GART: variants seen among roughly 807,000 people sequenced by gnomAD.
The protein encoded by GART is trifunctional purine biosynthetic protein adenosine-3.
A neutral mutation model predicts 107.2 loss-of-function variants in GART; 43 were observed. The observed-to-expected ratio is 0.40, with a 90% CI of 0.31 to 0.52. GART has a LOEUF of 0.52. GART is among the 20% of genes least tolerant of loss of function. The pLI, the probability that GART is intolerant of heterozygous loss-of-function variation, is 0.52. For missense variants in GART, 1,107 were observed against 1,206.5 expected, an observed-to-expected ratio of 0.92 and a Z score of 1.22; for synonymous variants, 434 against 427.0, an observed-to-expected ratio of 1.02 and a Z score of -0.20.
intron 18 of GART, among the ~76,000 whole-genome samples, chr21:33,507,899 GAATA>G (rs1396200344): frequency 3.3e-5 from 5 of 152,044 alleles, no homozygotes; most frequent in Non-Finnish European, 7.4e-5. Flanking sequence ...GTAACACAAA[GAATA>G]AATGCTTGAG....
At chr21:33,515,848 C>A (rs1002555158) in intron 16 of GART, among the ~76,000 whole-genome samples, 1 of 152,030 alleles carries the variant, frequency 6.6e-6, no homozygotes, top group Non-Finnish European at 1.5e-5. Flanking sequence ...TATCTATGTC[C>A]AGCAAACTGA....
chr21:33,524,855 C>T lies in GART; in HGVS notation c.1212G>A (p.Lys404=). The T allele has an allele frequency of 1.2e-6, 2 of 1,614,210 alleles. No individual in the cohort carries two copies. Among genetic ancestry groups the T allele is most frequent in the Middle Eastern group, 1.6e-4 (1 of 6,062 alleles). ...CAAACTTTATAGCAGCTAGTCCTTT[C>T]TTGGCTTCCTCAAGGGCTGATATGA... The part of the protein sequence containing the change: ...ENLISALEEA[K]KGLAAIKFEG... The change falls in exon 11 of 22, where the codon AAG becomes AAA. Residue 404 remains lysine, a synonymous_variant. Transcript: ENST00000381815.
In GART at chr21:33,535,299, G is replaced by A. The variant is rs760117814; in HGVS notation, c.167C>T (p.Thr56Ile). The stretch of plus-strand genomic sequence containing the variant: ...CTCTTTGCAGAATTGAGCAAGGGCA[G>A]TGTGGTCACTGATTGAGATGGCTGT... Reference protein sequence around the residue: ...SNTAISISDHTALAQFCKEKK... With the variant: ...SNTAISISDHIALAQFCKEKK... The change falls in exon 3 of 22, where the codon ACT becomes ATT. Residue 56 changes from threonine to isoleucine, a missense_variant. Coordinates refer to ENST00000381815, the MANE Select transcript of GART (RefSeq NM_000819.5). 7 of 1,225,506 alleles carry A rather than the reference G, an allele frequency of 5.7e-6. No individual in the cohort carries two copies. Among genetic ancestry groups the A allele is most frequent in the Non-Finnish European group, 6.7e-6 (6 of 897,998 alleles). The allele number at this position is 1,225,506 out of a possible 1,614,324, so 75.9% of individuals were successfully genotyped here.
At position 33,528,748 on chromosome 21, in the gene GART, A is replaced by G. The variant is rs552501437; in HGVS notation, c.811+102T>C. 3.4e-4 allele frequency: 364 copies of G among 1,071,976 alleles called. 3 individuals are homozygous for G. The African/African-American group carries it at 5.7e-3, about 17-fold the overall frequency. The allele number at this position is 1,071,976 out of a possible 1,614,324, so 66.4% of individuals were successfully genotyped here. On this transcript the variant is annotated intron_variant, in intron 8 of 21. Coordinates refer to ENST00000381815, the MANE Select transcript of GART (RefSeq NM_000819.5). ...TAAACATTTAAAAAATGGTCCATTA[A>G]AAAGTGGTAAAAAAAAAAAAAAAAG...
Position 33,504,469 on chromosome 21 carries a change from A to G in GART, c.2784T>C (p.His928=), listed in dbSNP as rs368229440. 16 of 1,613,992 alleles carry G rather than the reference A, an allele frequency of 9.9e-6. No homozygotes were observed. In the African/African-American group the frequency reaches 2.1e-4, roughly 22 times the overall value. Residue 928 remains histidine (H), a synonymous_variant, in exon 21 of 22, where the codon CAT becomes CAC. Transcript: ENST00000381815. The part of the protein sequence containing the change: ...LLPSFKGSNA[H]EQALETGVTV... ...TGACTCCGGTTTCCAGGGCTTGCTC[A>G]TGGGCATTTGAACCCTTAAAAGAAG...
chr21:33,539,603 G>A (rs1340085669), intron 1 of GART, among the ~76,000 whole-genome samples: 2 of 146,934 alleles, frequency 1.4e-5, no homozygotes, highest in African/African-American at 4.9e-5. Context: ...CAAGGCAGGA[G>A]AATTGCTTGA....
At chr21:33,506,148 T>TTC in intron 18 of GART, 44 bp from the exon 19 acceptor site, 5 of 376,548 alleles carry the variant, frequency 1.3e-5, no homozygotes, top group Non-Finnish European at 2.0e-5. Context: ...CTACTACTTC[T>TTC]TTTTTTTTTT....
chr21:33,542,237 C>T (rs1442388972), upstream of GART: 1 of 152,306 alleles, frequency 6.6e-6, no homozygotes, highest in Non-Finnish European at 1.5e-5. Flanking sequence ...AGTCTGATTC[C>T]CTCCCGCCCT....
intron 14 of GART, chr21:33,518,998 T>G: frequency 3.3e-6 from 1 of 303,698 alleles, no homozygotes; most frequent in South Asian, 3.1e-5. Context: ...ATACCAGAGA[T>G]ATTGTTTACC....
chr21:33,524,575 C>T (rs573879234), intron 11 of GART, 194 bp downstream of exon 11: 46 of 1,231,834 alleles, frequency 3.7e-5, no homozygotes, highest in African/African-American at 1.0e-4. Context: ...TCCAAACTTA[C>T]GCTATCATGA....
At chr21:33,513,083 TTGTGTGTGTGTGTGTGTGTCTC>T (rs2084815482) in intron 16 of GART, among the ~76,000 whole-genome samples, 1 of 142,240 alleles carries the variant, frequency 7.0e-6, no homozygotes, top group Non-Finnish European at 1.5e-5. Context: ...ACTTGGTTAT[TTGTGTGTGTGTGTGTGTGTCTC>T]TGTGTGTGTG....
intron 4 of GART, among the ~76,000 whole-genome samples, chr21:33,533,586 T>C (rs2145753198): frequency 6.6e-6 from 1 of 152,120 alleles, no homozygotes; most frequent in South Asian, 2.1e-4. Flanking sequence ...GTTCTTTATG[T>C]TGTAAGATGC....
At position 33,505,915 on chromosome 21, in the gene GART, A is replaced by G; in HGVS notation, c.2583+59T>C. 2.5e-6 allele frequency: 4 copies of G among 1,598,770 alleles called. No homozygotes were observed. In the South Asian group the frequency reaches 4.5e-5, roughly 18 times the overall value. ...AGTGCCCATAGACCAGGGTCCTGTG[A>G]GGGCAGATTACGAGCTTAAATATGG... On this transcript the variant is annotated intron_variant, in intron 19 of 21. Coordinates refer to ENST00000381815, the MANE Select transcript of GART (RefSeq NM_000819.5).
chr21:33,514,412 A>G (rs2084841474), intron 16 of GART, among the ~76,000 whole-genome samples: 2 of 152,214 alleles, frequency 1.3e-5, no homozygotes, highest in Non-Finnish European at 2.9e-5. Context: ...AACTCAAACT[A>G]TAACTGCTTT....
intron 2 of GART, among the ~76,000 whole-genome samples, chr21:33,535,983 G>C (rs1303063449): frequency 6.6e-6 from 1 of 151,624 alleles, no homozygotes; most frequent in Non-Finnish European, 1.5e-5. Context: ...AGCCAAGATC[G>C]CACCACTGCA....
Position 33,509,796 on chromosome 21 carries a change from T to C in GART, c.2439A>G (p.Leu813=). 6.2e-7 allele frequency: 1 copy of C among 1,613,386 alleles called. No individual in the cohort carries two copies. The highest frequency in any genetic ancestry group is 1.7e-4 in the Middle Eastern group (1 of 6,056). The change falls in exon 18 of 22, where the codon TTA becomes TTG. Residue 813 remains leucine, a synonymous_variant. Coordinates refer to ENST00000381815, the MANE Select transcript of GART (RefSeq NM_000819.5). ...GCCACATCTCACCTGTTCCAGATAT[T>C]AAGACAGCCACTCTGGCCTTTTTTT... ...FEKKKARVAV[L]ISGTGSNLQA...
intron 7 of GART, among the ~76,000 whole-genome samples, chr21:33,530,215 CTG>C (rs1301024643): frequency 1.3e-5 from 2 of 152,192 alleles, no homozygotes; most frequent in South Asian, 2.1e-4. Flanking sequence ...AAAACAAAAA[CTG>C]TGCCGAAATT....
chr21:33,539,674 C>A (rs571779180), intron 1 of GART, among the ~76,000 whole-genome samples: 1 of 149,830 alleles, frequency 6.7e-6, no homozygotes, highest in South Asian at 2.1e-4. Flanking sequence ...GCCTGGGAAA[C>A]AGAGCAAGAC....
At position 33,503,983 on chromosome 21, in the gene GART, T is replaced by C; in HGVS notation, c.*141A>G. 1.5e-6 allele frequency: 1 copy of C among 668,056 alleles called. No individual in the cohort carries two copies. The highest frequency in any genetic ancestry group is 2.7e-5 in the South Asian group (1 of 36,912). 41.4% of individuals were successfully genotyped at this position (668,056 alleles called of 1,614,324 possible). A position where few individuals can be genotyped will look rare whatever the true frequency, so the allele number is the denominator to read the frequency against. ...CTTGTTTTTAGTGAGTCTCTATTTA[T>C]TAAAAAAATAGATGAAGTAAGGGTG... On this transcript the variant is annotated 3_prime_UTR_variant, in exon 22 of 22. Transcript: ENST00000381815.
Sources: gnomAD v4.1 joint callset for allele counts (sites outside exome capture counted in the v4.1 genomes callset) on GRCh38, gnomAD v4.1.1 for gene constraint, MANE v1.5 for transcripts, NCBI Gene and HGNC (gene_info 2026-07-23, HGNC 2026-07-21) for gene names.